TULP4: variants seen among roughly 807,000 people sequenced by gnomAD.
TULP4 encodes the protein TUB like protein 4.
A neutral mutation model predicts 129.0 loss-of-function variants in TULP4; 16 were observed. The observed-to-expected ratio is 0.12, with a 90% CI of 0.08 to 0.19. The LOEUF (loss-of-function observed/expected upper bound fraction) is 0.19, where lower values mean the gene tolerates loss of function less well. Ranked by LOEUF, TULP4 falls within the 10% of genes least tolerant of loss-of-function variation. TULP4 has a pLI of 1.00. For synonymous variants in TULP4, 998 were observed against 854.0 expected (o/e 1.17, Z -2.94); for missense variants, 1,842 against 2,059.1 (o/e 0.89, Z 2.04).
chr6:158,311,197 G>T (rs1779342427), upstream of TULP4, among the ~76,000 whole-genome samples: 2 of 152,200 alleles, frequency 1.3e-5, no homozygotes, highest in Non-Finnish European at 2.9e-5. Context: ...AGCAGCATTA[G>T]CATCTCTTGG....
chr6:158,418,649 G>A (rs1320152046), intron 2 of TULP4, among the ~76,000 whole-genome samples: 2 of 152,126 alleles, frequency 1.3e-5, no homozygotes, highest in Non-Finnish European at 2.9e-5. Flanking sequence ...CAACCCTGTA[G>A]TCCCAGCTAC....
Position 158,413,763 on chromosome 6 carries a change from T to G in TULP4, c.381+570T>G, listed in dbSNP as rs1442646439. On this transcript the variant is annotated intron_variant, in intron 2 of 13. Transcript: ENST00000367097. The surrounding 1 kb of genome is among the most constrained non-coding windows in gnomAD (Gnocchi z 4.9). ...TGAGCTGCGCTGTTTCTAGAACTGC[T>G]CCATAGATTGTTCTGGTTTACAGGA... Among the ~76,000 whole-genome samples the G allele has an allele frequency of 6.6e-6, 1 of 152,230 alleles. No homozygotes were observed. Among genetic ancestry groups the G allele is most frequent in the African/African-American group, 2.4e-5 (1 of 41,458 alleles).
At chr6:158,461,416 AAAAAAAAAAAG>A in intron 5 of TULP4, 136 bp from the exon 6 acceptor site, 1 of 840,104 alleles carries the variant, frequency 1.2e-6, no homozygotes, top group Non-Finnish European at 1.7e-6. Flanking sequence ...CGTCTCAAAA[AAAAAAAAAAAG>A]GAAAAAACCA....
intron 1 of TULP4, among the ~76,000 whole-genome samples, chr6:158,351,415 G>A (rs113106062): frequency 0.035 from 5,256 of 152,240 alleles, 104 homozygotes; most frequent in Non-Finnish European, 0.041. Flanking sequence ...GAATAGAGAG[G>A]CTTCAGCAAC....
intron 1 of TULP4, among the ~76,000 whole-genome samples, chr6:158,302,030 C>T (rs571069321): frequency 2.6e-5 from 4 of 152,228 alleles, no homozygotes; most frequent in East Asian, 3.9e-4. Context: ...TTATCCTGAG[C>T]GATGTGTAAT....
At chr6:158,472,354 C>A (rs1423977721) in intron 6 of TULP4, among the ~76,000 whole-genome samples, 1 of 152,042 alleles carries the variant, frequency 6.6e-6, no homozygotes, top group Non-Finnish European at 1.5e-5. Context: ...GAGAAAAGGC[C>A]CTGACTGATC....
chr6:158,254,261 GC>G (rs1289283432), intron 1 of TULP4, among the ~76,000 whole-genome samples: 4 of 152,024 alleles, frequency 2.6e-5, no homozygotes, highest in African/African-American at 9.7e-5. Context: ...TCATGACTCA[GC>G]CTCCTGAATA....
chr6:158,258,883 G>GC (rs1327543497), intron 1 of TULP4, among the ~76,000 whole-genome samples: 6 of 152,166 alleles, frequency 3.9e-5, no homozygotes, highest in Admixed American at 3.9e-4. Flanking sequence ...GTTTAACCAA[G>GC]CAGGGTAGCT....
intron 1 of TULP4, among the ~76,000 whole-genome samples, chr6:158,323,897 T>G (rs1779690869): frequency 6.6e-6 from 1 of 152,214 alleles, no homozygotes; most frequent in Admixed American, 6.5e-5. Context: ...ACGTAGGATC[T>G]TTTTTCTTGT....
chr6:158,372,297 T>C (rs964299521), intron 1 of TULP4, among the ~76,000 whole-genome samples: 3 of 151,964 alleles, frequency 2.0e-5, no homozygotes, highest in South Asian at 2.1e-4. Context: ...GACTGCATGA[T>C]GATTTTAACT....
chr6:158,356,042 T>C (rs891996717), intron 1 of TULP4, among the ~76,000 whole-genome samples: 1 of 152,152 alleles, frequency 6.6e-6, no homozygotes, highest in African/African-American at 2.4e-5. Flanking sequence ...GTTACATGGA[T>C]GTATAAATGT....
intron 1 of TULP4, among the ~76,000 whole-genome samples, chr6:158,243,612 T>C (rs887277589): frequency 6.6e-6 from 1 of 152,182 alleles, no homozygotes; most frequent in Admixed American, 6.5e-5. Context: ...ATCCTTGTAA[T>C]GTAAAATATG....
chr6:158,392,673 C>A (rs1403445136), intron 1 of TULP4, among the ~76,000 whole-genome samples: 2 of 151,810 alleles, frequency 1.3e-5, no homozygotes, highest in African/African-American at 2.4e-5. Context: ...TCAGCAGAGG[C>A]AGACGAAGGG....
rs920790131 is a variant in TULP4, at chr6:158,313,036, A to T, written c.-981A>T. On this transcript the variant is annotated 5_prime_UTR_variant, in exon 1 of 14. Coordinates refer to ENST00000367097, the MANE Select transcript of TULP4 (RefSeq NM_020245.5). ...AAGATCTTTAGGAGCAGAAAAGGGG[A>T]GTGCTAACTGGGGGAGCGAGAAGGG... 1 of 155,802 alleles carries T rather than the reference A, an allele frequency of 6.4e-6. No individual in the cohort carries two copies. The highest frequency in any genetic ancestry group is 1.4e-5 in the Non-Finnish European group (1 of 70,534). The allele number at this position is 155,802 out of a possible 1,614,324, so 9.7% of individuals were successfully genotyped here.
At chr6:158,350,101 G>T (rs1287259583) in intron 1 of TULP4, among the ~76,000 whole-genome samples, 1 of 150,044 alleles carries the variant, frequency 6.7e-6, no homozygotes, top group Non-Finnish European at 1.5e-5. Context: ...GGGCAGCCGG[G>T]CAGAGGCGCT....
At chr6:158,290,912 G>T (rs1049758764) in intron 1 of TULP4, among the ~76,000 whole-genome samples, 3 of 152,166 alleles carry the variant, frequency 2.0e-5, no homozygotes, top group African/African-American at 7.2e-5. Flanking sequence ...CTGCCTACCG[G>T]ATAGTGTCGG....
chr6:158,449,063 T>C lies in TULP4; in HGVS notation c.611T>C (p.Val204Ala). Residue 204 changes from valine (V) to alanine (A), a missense_variant, in exon 4 of 14, where the codon GTC becomes GCC. This residue lies in a region of TULP4 where 456 missense variants were observed against 534.3 expected (regional missense o/e 0.85). Coordinates refer to ENST00000367097, the MANE Select transcript of TULP4 (RefSeq NM_020245.5). ...MDCHGRMLAH[V>A]LLHESDGVLG... is the part of the protein sequence containing the mutation. ...TGCCACGGCAGAATGCTGGCCCACG[T>C]CCTCTTGCACGAGTCAGACGGTGTC... 1 of 1,613,992 alleles carries C rather than the reference T, an allele frequency of 6.2e-7. No individual in the cohort carries two copies. Among genetic ancestry groups the C allele is most frequent in the South Asian group, 1.1e-5 (1 of 91,050 alleles).
intron 1 of TULP4, among the ~76,000 whole-genome samples, chr6:158,255,547 C>CT (rs1562496066): frequency 2.6e-5 from 4 of 152,160 alleles, no homozygotes; most frequent in Non-Finnish European, 5.9e-5. Flanking sequence ...AGCAACAACT[C>CT]TAAGAATGGT....
intron 1 of TULP4, among the ~76,000 whole-genome samples, chr6:158,338,566 A>G (rs558388080): frequency 6.6e-6 from 1 of 152,196 alleles, no homozygotes; most frequent in Non-Finnish European, 1.5e-5. Flanking sequence ...GTGACCCTGT[A>G]TCCTTTGCGG....
Sources: allele counts gnomAD v4.1 joint callset (sites outside exome capture counted in the v4.1 genomes callset), GRCh38; gene constraint gnomAD v4.1.1; regional missense constraint gnomAD v4.1.1; non-coding constraint Gnocchi (gnomAD v3.1); transcripts MANE v1.5; gene names NCBI Gene and HGNC (gene_info 2026-07-23, HGNC 2026-07-21).